OPCML: variants seen among roughly 807,000 people sequenced by gnomAD.
OPCML encodes opioid binding protein/cell adhesion molecule like, also known as opioid-binding protein/cell adhesion molecule.
Under a neutral mutation model 37.8 loss-of-function variants are expected in OPCML, and 13 were observed. The observed-to-expected ratio is 0.34, with a 90% CI of 0.22 to 0.55. The LOEUF (loss-of-function observed/expected upper bound fraction) is 0.55, where lower values mean the gene tolerates loss of function less well. OPCML is among the 20% of genes least tolerant of loss of function. The pLI is 0.91. For missense variants in OPCML, 341 were observed against 435.6 expected (o/e 0.78, Z 1.93); for synonymous variants, 176 against 168.8 (o/e 1.04, Z -0.33).
At chr11:133,036,094 T>C (rs1947778585) in intron 1 of OPCML, among the ~76,000 whole-genome samples, 1 of 152,190 alleles carries the variant, frequency 6.6e-6, no homozygotes, top group Admixed American at 6.5e-5. Context: ...AGTTGAGATT[T>C]AGATAAACTA....
chr11:133,274,011 T>C (rs1004879769), intron 1 of OPCML, among the ~76,000 whole-genome samples: 3 of 152,236 alleles, frequency 2.0e-5, no homozygotes, highest in African/African-American at 7.2e-5. Context: ...TATATAAACA[T>C]ATTTGCACAC....
chr11:133,135,198 T>C (rs545852833), intron 1 of OPCML, among the ~76,000 whole-genome samples: 3 of 152,216 alleles, frequency 2.0e-5, no homozygotes, highest in Non-Finnish European at 2.9e-5. Flanking sequence ...TCTTGTGATC[T>C]TCACAACAAT....
intron 1 of OPCML, among the ~76,000 whole-genome samples, chr11:133,017,333 C>T (rs998146003): frequency 3.3e-5 from 5 of 152,032 alleles, no homozygotes; most frequent in Non-Finnish European, 7.4e-5. Context: ...GGTATTACTC[C>T]CTAGGTAATT....
At chr11:133,494,949 G>A (rs1434453577) in intron 1 of OPCML, among the ~76,000 whole-genome samples, 1 of 151,970 alleles carries the variant, frequency 6.6e-6, no homozygotes, top group Admixed American at 6.6e-5. Flanking sequence ...GGTACAGGTG[G>A]TATTTGGTTA....
intron 4 of OPCML, among the ~76,000 whole-genome samples, chr11:132,489,689 A>T (rs2096210001): frequency 6.6e-6 from 1 of 151,938 alleles, no homozygotes; most frequent in African/African-American, 2.4e-5. Context: ...TTATTTTATT[A>T]TACTTTAAGT....
In OPCML at chr11:133,333,666, T is replaced by A. The variant is rs368614000; in HGVS notation, c.61+198598A>T. 1.5e-4 allele frequency among the ~76,000 whole-genome samples: 23 copies of A among 152,302 alleles called. No individual in the cohort carries two copies. The South Asian group carries it at 4.8e-3, about 32-fold the overall frequency. On this transcript the variant is annotated intron_variant, in intron 1 of 7. Coordinates refer to ENST00000524381, the MANE Select transcript of OPCML (RefSeq NM_001012393.5). Reference sequence around the variant, plus strand: ...GGATCTAATTAAACTTAAGAGCTGCTGTGCAGCGAAAGAAACTATCAACAG... The same window carrying A: ...GGATCTAATTAAACTTAAGAGCTGCAGTGCAGCGAAAGAAACTATCAACAG...
At chr11:132,870,032 C>T (rs893077892) in intron 2 of OPCML, among the ~76,000 whole-genome samples, 2 of 152,152 alleles carry the variant, frequency 1.3e-5, no homozygotes, top group African/African-American at 4.8e-5. Flanking sequence ...CGCCCCTTCC[C>T]TCCTATAAGC....
At chr11:133,009,602 C>A (rs1454553811) in intron 1 of OPCML, among the ~76,000 whole-genome samples, 1 of 152,218 alleles carries the variant, frequency 6.6e-6, no homozygotes, top group Non-Finnish European at 1.5e-5. Flanking sequence ...GGACTGGTTT[C>A]ATGGAAGACA....
At chr11:133,202,759 C>T (rs1003081134) in intron 1 of OPCML, among the ~76,000 whole-genome samples, 3 of 152,212 alleles carry the variant, frequency 2.0e-5, no homozygotes, top group Non-Finnish European at 2.9e-5. Context: ...TCTGCCACAC[C>T]AGCCAAGGGA....
At chr11:133,532,114 C>T (rs1948618845) in intron 1 of OPCML, 150 bp downstream of exon 1, 9 of 1,314,754 alleles carry the variant, frequency 6.8e-6, no homozygotes, top group Middle Eastern at 2.6e-4. Flanking sequence ...TGTGCGTGCA[C>T]ACAGCAAGCC....
At chr11:132,491,924 A>ATT (rs780995319) in intron 4 of OPCML, among the ~76,000 whole-genome samples, 2,039 of 133,198 alleles carry the variant, frequency 0.015, 35 homozygotes, top group Middle Eastern at 0.045. Flanking sequence ...GACATACCTA[A>ATT]TTTTTTTTTT....
chr11:132,798,494 A>G (rs1938462735), intron 2 of OPCML, among the ~76,000 whole-genome samples: 1 of 151,554 alleles, frequency 6.6e-6, no homozygotes. Flanking sequence ...ATAAGAAGCA[A>G]CTCCTCCTTC....
intron 3 of OPCML, among the ~76,000 whole-genome samples, chr11:132,581,174 T>C (rs779120442): frequency 3.9e-5 from 6 of 152,214 alleles, no homozygotes; most frequent in Non-Finnish European, 7.3e-5. Flanking sequence ...AATTACATGA[T>C]GCTTCCTATA....
chr11:132,907,972 A>G (rs1944301841), intron 2 of OPCML, among the ~76,000 whole-genome samples: 1 of 152,176 alleles, frequency 6.6e-6, no homozygotes, highest in African/African-American at 2.4e-5. Context: ...TGAAAAAAAA[A>G]TTGACTAAAT....
chr11:133,267,147 A>G (rs999964202), intron 1 of OPCML, among the ~76,000 whole-genome samples: 7 of 151,864 alleles, frequency 4.6e-5, no homozygotes, highest in African/African-American at 1.5e-4. Flanking sequence ...AAGAGTGTAC[A>G]TTTTGGAATT....
At chr11:132,584,552 G>A (rs1439056472) in intron 3 of OPCML, among the ~76,000 whole-genome samples, 7 of 152,000 alleles carry the variant, frequency 4.6e-5, no homozygotes, top group African/African-American at 1.7e-4. Flanking sequence ...TTAATCTACA[G>A]AACTAGCTAG....
chr11:133,438,298 T>C (rs1048225770), intron 1 of OPCML, among the ~76,000 whole-genome samples: 1 of 151,874 alleles, frequency 6.6e-6, no homozygotes, highest in African/African-American at 2.4e-5. Context: ...TAGAAGAATA[T>C]AAATAGACAT....
intron 1 of OPCML, among the ~76,000 whole-genome samples, chr11:133,245,209 C>A (rs1258968364): frequency 6.6e-6 from 1 of 152,192 alleles, no homozygotes; most frequent in African/African-American, 2.4e-5. Context: ...AGTCAGTTCC[C>A]AACCACCTGC....
intron 1 of OPCML, among the ~76,000 whole-genome samples, chr11:133,321,009 A>G (rs1943316907): frequency 6.6e-6 from 1 of 152,262 alleles, no homozygotes; most frequent in South Asian, 2.1e-4. Flanking sequence ...GGAGTCCCCC[A>G]GCTCCTCTTC....
Sources: gnomAD v4.1 joint callset for allele counts (sites outside exome capture counted in the v4.1 genomes callset) on GRCh38, gnomAD v4.1.1 for gene constraint, MANE v1.5 for transcripts, NCBI Gene and HGNC (gene_info 2026-07-23, HGNC 2026-07-21) for gene names.